Variants in GABRB2 observed in about 807,000 individuals in gnomAD.
GABRB2 encodes gamma-aminobutyric acid type A receptor subunit beta2.
GABRB2 carries 16 observed loss-of-function variants against 54.7 expected under a neutral mutation model. That is an observed-to-expected ratio of 0.29 (90% CI 0.20 to 0.44). The LOEUF is 0.44. GABRB2 is among the 20% of genes least tolerant of loss of function. GABRB2 has a pLI of 1.00. For synonymous variants in GABRB2, 244 were observed against 233.8 expected, an observed-to-expected ratio of 1.04 and a Z score of -0.40; for missense variants, 355 against 644.0, an observed-to-expected ratio of 0.55 and a Z score of 4.86.
At chr5:161,309,503 C>A (rs1205410748) in intron 9 of GABRB2, among the ~76,000 whole-genome samples, 1 of 152,170 alleles carries the variant, frequency 6.6e-6, no homozygotes, top group African/African-American at 2.4e-5. Flanking sequence ...AATCCTATTA[C>A]TGGGTATATA....
At chr5:161,294,519 T>G in intron 9 of GABRB2, 91 bp from the exon 10 acceptor site, 1 of 1,070,294 alleles carries the variant, frequency 9.3e-7, no homozygotes, top group Non-Finnish European at 1.4e-6. Context: ...ACTTAAGGGA[T>G]TTATAGGAGT....
intron 4 of GABRB2, 65 bp from the exon 5 acceptor site, chr5:161,411,122 T>C (rs1034487021): frequency 1.6e-6 from 2 of 1,230,768 alleles, no homozygotes; most frequent in African/African-American, 3.0e-5. Flanking sequence ...GAAATTTAAA[T>C]CTAAGTATCA....
intron 9 of GABRB2, among the ~76,000 whole-genome samples, chr5:161,324,178 T>C (rs1410996623): frequency 1.3e-5 from 2 of 152,190 alleles, no homozygotes. Flanking sequence ...AATAACTGTA[T>C]ACAGAAGAGT....
At chr5:161,547,531 G>A (rs970238160), upstream of GABRB2, among the ~76,000 whole-genome samples, 10 of 151,862 alleles carry the variant, frequency 6.6e-5, no homozygotes, top group African/African-American at 2.4e-4. Context: ...TTCTCGCCGT[G>A]TGACGTTCCT....
At chr5:161,441,021 C>T (rs1462863781) in intron 4 of GABRB2, among the ~76,000 whole-genome samples, 1 of 152,056 alleles carries the variant, frequency 6.6e-6, no homozygotes, top group Non-Finnish European at 1.5e-5. Context: ...TACAAGAAAA[C>T]ATTGGGGAAA....
At chr5:161,533,741 T>C (rs991551841) in intron 3 of GABRB2, among the ~76,000 whole-genome samples, 17 of 152,178 alleles carry the variant, frequency 1.1e-4, no homozygotes, top group East Asian at 1.9e-4. Context: ...TGTTTGCATA[T>C]GTTGTAAGCT....
intron 5 of GABRB2, among the ~76,000 whole-genome samples, chr5:161,356,435 T>C (rs958556847): frequency 6.6e-6 from 1 of 152,134 alleles, no homozygotes; most frequent in Non-Finnish European, 1.5e-5. Context: ...ACTGCTCCCC[T>C]CCATAGCCCC....
intron 3 of GABRB2, among the ~76,000 whole-genome samples, chr5:161,502,538 T>C (rs1759481681): frequency 6.6e-6 from 1 of 152,158 alleles, no homozygotes; most frequent in Non-Finnish European, 1.5e-5. Flanking sequence ...ACTGCCTACT[T>C]TAAACAGTCA....
chr5:161,470,833 A>G (rs908657982), intron 3 of GABRB2, among the ~76,000 whole-genome samples: 5 of 152,008 alleles, frequency 3.3e-5, no homozygotes, highest in African/African-American at 1.2e-4. Context: ...CTACCATACT[A>G]TGCTCCCGAA....
intron 4 of GABRB2, among the ~76,000 whole-genome samples, chr5:161,429,082 C>T (rs1051545171): frequency 6.6e-6 from 1 of 151,436 alleles, no homozygotes; most frequent in African/African-American, 2.4e-5. Flanking sequence ...CATGGTGGCT[C>T]ACTCCTGTAA....
At chr5:161,493,159 A>G (rs1339178462) in intron 3 of GABRB2, among the ~76,000 whole-genome samples, 1 of 151,764 alleles carries the variant, frequency 6.6e-6, no homozygotes, top group Non-Finnish European at 1.5e-5. Flanking sequence ...TACAAATAAT[A>G]TTTGAATGTC....
chr5:161,390,904 A>T (rs1007496775), intron 5 of GABRB2, among the ~76,000 whole-genome samples: 18 of 152,104 alleles, frequency 1.2e-4, no homozygotes, highest in African/African-American at 4.3e-4. Flanking sequence ...TTATATCTAC[A>T]CTTAACCATG....
At chr5:161,422,353 G>A (rs1342277307) in intron 4 of GABRB2, among the ~76,000 whole-genome samples, 1 of 151,922 alleles carries the variant, frequency 6.6e-6, no homozygotes, top group Non-Finnish European at 1.5e-5. Context: ...CTATATAGAT[G>A]TAAATGTATA....
chr5:161,523,838 G>A (rs188237048), intron 3 of GABRB2, among the ~76,000 whole-genome samples: 87 of 151,230 alleles, frequency 5.8e-4, no homozygotes, highest in Admixed American at 9.2e-4. Flanking sequence ...AGCTTCCAGA[G>A]AAAATTCCAA....
chr5:161,496,212 G>T (rs908223580), intron 3 of GABRB2, among the ~76,000 whole-genome samples: 1 of 152,058 alleles, frequency 6.6e-6, no homozygotes, highest in Non-Finnish European at 1.5e-5. Context: ...AACCTCCCCA[G>T]CTCTTTTTTC....
At chr5:161,390,424 G>C (rs1755783815) in intron 5 of GABRB2, among the ~76,000 whole-genome samples, 1 of 151,940 alleles carries the variant, frequency 6.6e-6, no homozygotes, top group African/African-American at 2.4e-5. Flanking sequence ...CATGCCAGAG[G>C]ATACTAACTA....
intron 5 of GABRB2, among the ~76,000 whole-genome samples, chr5:161,377,900 A>AATATTTATG (rs1318073552): frequency 1.3e-5 from 2 of 152,050 alleles, no homozygotes; most frequent in Non-Finnish European, 2.9e-5. Context: ...ATTTGTGTAA[A>AATATTTATG]ATATTTATGT....
At chr5:161,414,226 G>C (rs1260311901) in intron 4 of GABRB2, among the ~76,000 whole-genome samples, 2 of 152,156 alleles carry the variant, frequency 1.3e-5, no homozygotes, top group African/African-American at 2.4e-5. Flanking sequence ...TATGGTCGAT[G>C]ATGAGTAACA....
chr5:161,305,530 A>T (rs1757665340), intron 9 of GABRB2, among the ~76,000 whole-genome samples: 1 of 152,202 alleles, frequency 6.6e-6, no homozygotes, highest in Non-Finnish European at 1.5e-5. Flanking sequence ...GTGAGCTTAC[A>T]TCCTGACAGG....
Sources: allele counts gnomAD v4.1 joint callset (sites outside exome capture counted in the v4.1 genomes callset), GRCh38; gene constraint gnomAD v4.1.1; transcripts MANE v1.5; gene names NCBI Gene and HGNC (gene_info 2026-07-23, HGNC 2026-07-21).